TTC39B: variants seen among roughly 807,000 people sequenced by gnomAD.
The protein encoded by TTC39B is tetratricopeptide repeat protein 39B.
In TTC39B, 92 loss-of-function variants were observed where a neutral mutation model predicts 96.6. The observed-to-expected ratio is 0.95, with a 90% CI of 0.80 to 1.13. TTC39B has a LOEUF of 1.13. Ranked by LOEUF, TTC39B falls within the 50% of genes most tolerant of loss-of-function variation. The pLI, the probability that TTC39B is intolerant of heterozygous loss-of-function variation, is 0.00. For synonymous variants in TTC39B, 367 were observed against 299.4 expected, an observed-to-expected ratio of 1.23 and a Z score of -2.33; for missense variants, 955 against 809.3, an observed-to-expected ratio of 1.18 and a Z score of -2.18.
chr9:15,249,809 T>C (rs1398767830), intron 2 of TTC39B: 2 of 888,230 alleles, frequency 2.3e-6, no homozygotes, highest in Non-Finnish European at 1.4e-6. Context: ...GAAATTTAAC[T>C]GGAGTTTAAA....
intron 2 of TTC39B, among the ~76,000 whole-genome samples, chr9:15,256,259 T>C (rs1822747949): frequency 6.6e-6 from 1 of 152,222 alleles, no homozygotes; most frequent in South Asian, 2.1e-4. Context: ...AGGCACCATC[T>C]ATGAGGAATG....
rs764813016 is a variant in TTC39B at position 15,187,928 on chromosome 9, G to A, written c.1395+43C>T. ...CCTAAATGAAAATCATCCTGGCCATGTATTAGCAAACAGATGACATTAATG... is the reference window on the plus strand; with the variant it reads ...CCTAAATGAAAATCATCCTGGCCATATATTAGCAAACAGATGACATTAATG... On this transcript the variant is annotated intron_variant, in intron 14 of 19. Transcript: ENST00000512701. 9 of 1,521,908 alleles carry A rather than the reference G, an allele frequency of 5.9e-6. No individual in the cohort carries two copies. In the Admixed American group the frequency reaches 1.2e-4, roughly 21 times the overall value. 94.3% of individuals were successfully genotyped at this position (1,521,908 alleles called of 1,614,324 possible). A position where few individuals can be genotyped will look rare whatever the true frequency, so the allele number is the denominator to read the frequency against.
At chr9:15,166,017 C>G (rs1165393484) in exon 20 of TTC39B, 1 of 152,144 alleles carries the variant, frequency 6.6e-6, no homozygotes, top group African/African-American at 2.4e-5. Flanking sequence ...GCCCAACAGA[C>G]TACCAATAAT....
At chr9:15,219,601 G>A (rs1400604261) in intron 3 of TTC39B, among the ~76,000 whole-genome samples, 3 of 152,100 alleles carry the variant, frequency 2.0e-5, no homozygotes, top group Non-Finnish European at 2.9e-5. Context: ...CTGAGGAAAG[G>A]AACATCCTTA....
At chr9:15,247,198 CA>C in intron 2 of TTC39B, among the ~76,000 whole-genome samples, 1 of 152,270 alleles carries the variant, frequency 6.6e-6, no homozygotes, top group Non-Finnish European at 1.5e-5. Context: ...GAAGATCCAC[CA>C]GGGACTGGTA....
intron 1 of TTC39B, among the ~76,000 whole-genome samples, chr9:15,296,767 G>A (rs961306618): frequency 6.6e-6 from 1 of 152,128 alleles, no homozygotes; most frequent in African/African-American, 2.4e-5. Flanking sequence ...AAAGTGCTGG[G>A]ATTACAGACA....
exon 20 of TTC39B, chr9:15,170,397 A>C (rs1383201579): frequency 6.6e-6 from 1 of 152,232 alleles, no homozygotes; most frequent in Admixed American, 6.5e-5. Context: ...TTTACAACAC[A>C]AACCACAGTA....
At position 15,255,616 on chromosome 9, in the gene TTC39B, A is replaced by G. The variant is rs1221725131; in HGVS notation, c.275+12298T>C. ...AAAAAAAAAGGATGTCAGGTGAAAC[A>G]GGGTAAAAAGTTAACAAAAGGCAAT... On this transcript the variant is annotated intron_variant, in intron 2 of 19. Transcript: ENST00000512701. Among the ~76,000 whole-genome samples, 4 of 152,142 alleles carry G rather than the reference A, an allele frequency of 2.6e-5. No homozygotes were observed. The East Asian group carries it at 7.7e-4, about 29-fold the overall frequency.
chr9:15,257,463 T>C (rs1228836368), intron 2 of TTC39B, among the ~76,000 whole-genome samples: 1 of 152,080 alleles, frequency 6.6e-6, no homozygotes, highest in African/African-American at 2.4e-5. Flanking sequence ...AAAATTTTTT[T>C]TTTGAGACAG....
At chr9:15,168,871 T>C (rs1817577078) in exon 20 of TTC39B, 1 of 152,154 alleles carries the variant, frequency 6.6e-6, no homozygotes, top group South Asian at 2.1e-4. Context: ...ACACCGGGGA[T>C]TGTTAGTGTC....
At chr9:15,292,949 A>G (rs1327525400) in intron 1 of TTC39B, among the ~76,000 whole-genome samples, 2 of 152,238 alleles carry the variant, frequency 1.3e-5, no homozygotes, top group South Asian at 2.1e-4. Context: ...TTAAGTGTAC[A>G]GTGTTCATAA....
intron 1 of TTC39B, among the ~76,000 whole-genome samples, chr9:15,271,518 C>CA (rs1385474891): frequency 6.6e-6 from 1 of 152,150 alleles, no homozygotes. Flanking sequence ...AAGGAGTGCG[C>CA]AACCTAGATC....
Position 15,207,026 on chromosome 9 carries a change from C to A in TTC39B, c.691+3062G>T, listed in dbSNP as rs143376642. Among the ~76,000 whole-genome samples, 1,051 of 152,320 alleles carry A rather than the reference C, an allele frequency of 6.9e-3. 13 individuals are homozygous for A. Among genetic ancestry groups the A allele is most frequent in the Admixed American group, 0.011 (174 of 15,304 alleles). ...TTTTATAAGTGTTTGACAAGTTCCT[C>A]CTACACGCACTTCTCCTTCCTGCCA... On this transcript the variant is annotated intron_variant, in intron 6 of 19. Coordinates refer to ENST00000512701, the Ensembl canonical transcript of TTC39B.
At chr9:15,247,047 C>G (rs1586952532) in intron 2 of TTC39B, among the ~76,000 whole-genome samples, 6 of 152,300 alleles carry the variant, frequency 3.9e-5, no homozygotes, top group Admixed American at 3.9e-4. Flanking sequence ...CCAGACAAAA[C>G]TAGAAATAGT....
At chr9:15,258,618 G>T (rs1351828950) in intron 2 of TTC39B, among the ~76,000 whole-genome samples, 1 of 152,190 alleles carries the variant, frequency 6.6e-6, no homozygotes, top group African/African-American at 2.4e-5. Flanking sequence ...GCAAAGTCCT[G>T]GCTTTCAGAC....
intron 2 of TTC39B, among the ~76,000 whole-genome samples, chr9:15,238,125 G>C (rs745350958): frequency 1.2e-4 from 18 of 151,960 alleles, no homozygotes; most frequent in Non-Finnish European, 2.2e-4. Context: ...AAAATAATAA[G>C]AGCCATATAT....
At chr9:15,175,056 C>G in exon 19 of TTC39B, 1 of 1,613,636 alleles carries the variant, frequency 6.2e-7, no homozygotes, top group Non-Finnish European at 8.5e-7. Context: ...TTGTCAATTT[C>G]CCCCTGGCTT....
chr9:15,190,747 G>C, intron 10 of TTC39B, 85 bp from the exon 11 acceptor site: 1 of 1,097,610 alleles, frequency 9.1e-7, no homozygotes, highest in Admixed American at 2.0e-5. Context: ...TATATATTAG[G>C]GGGGTTACAA....
At chr9:15,262,505 GTTTTA>G (rs1012273369) in intron 2 of TTC39B, among the ~76,000 whole-genome samples, 33 of 152,158 alleles carry the variant, frequency 2.2e-4, no homozygotes, top group African/African-American at 7.7e-4. Flanking sequence ...TGACCTACCA[GTTTTA>G]TTTTAACAGT....
Sources: gnomAD v4.1 joint callset for allele counts (sites outside exome capture counted in the v4.1 genomes callset) on GRCh38, gnomAD v4.1.1 for gene constraint, MANE v1.5 for transcripts, NCBI Gene and HGNC (gene_info 2026-07-23, HGNC 2026-07-21) for gene names.